The following MRPL48 variants were observed in gnomAD, a reference collection of about 807,000 sequenced individuals.
MRPL48 encodes large ribosomal subunit protein mL48.
MRPL48 carries 16 observed loss-of-function variants against 32.9 expected under a neutral mutation model. The ratio of observed to expected loss-of-function variants is 0.49; its 90% CI spans 0.33 to 0.74. MRPL48 has a LOEUF of 0.74. Ranked by LOEUF, MRPL48 falls within the 30% of genes least tolerant of loss-of-function variation. The pLI is 0.02. For synonymous variants in MRPL48, 94 were observed against 89.2 expected, an observed-to-expected ratio of 1.05 and a Z score of -0.31; for missense variants, 206 against 245.3, an observed-to-expected ratio of 0.84 and a Z score of 1.07.
intron 3 of MRPL48, chr11:73,817,897 T>C: frequency 3.5e-6 from 1 of 282,976 alleles, no homozygotes; most frequent in Non-Finnish European, 7.3e-6. Flanking sequence ...CTCGAACTCC[T>C]GGGTTCAAGC....
intron 4 of MRPL48, among the ~76,000 whole-genome samples, chr11:73,838,305 C>CT (rs1948137660): frequency 6.6e-6 from 1 of 152,220 alleles, no homozygotes; most frequent in Non-Finnish European, 1.5e-5. Flanking sequence ...CTCTTGCTGG[C>CT]TATGCTGTGC....
Position 73,864,572 on chromosome 11 carries a change from CT to C in MRPL48, c.*204del. 3.4e-6 allele frequency: 2 copies of C among 589,968 alleles called. No homozygotes were observed. Among genetic ancestry groups the C allele is most frequent in the Non-Finnish European group, 6.1e-6 (2 of 330,416 alleles). The allele number at this position is 589,968 out of a possible 1,614,324, so 36.5% of individuals were successfully genotyped here. A position where few individuals can be genotyped will look rare whatever the true frequency, so the allele number is the denominator to read the frequency against. ...TTACCTATGAGGTAATGCTTGTTATCTTCCATCTAATAAAAATCTGCTGCAG... is the reference window on the plus strand; with the variant it reads ...TTACCTATGAGGTAATGCTTGTTATCTCCATCTAATAAAAATCTGCTGCAG... On this transcript the variant is annotated 3_prime_UTR_variant, in exon 8 of 8. Coordinates refer to ENST00000310614, the MANE Select transcript of MRPL48 (RefSeq NM_016055.6).
intron 5 of MRPL48, among the ~76,000 whole-genome samples, chr11:73,856,780 T>C (rs1948487515): frequency 6.6e-6 from 1 of 152,238 alleles, no homozygotes; most frequent in Non-Finnish European, 1.5e-5. Context: ...TATTTTGTCA[T>C]GTTAGATTGA....
intron 4 of MRPL48, among the ~76,000 whole-genome samples, chr11:73,838,160 T>C (rs904495460): frequency 2.6e-5 from 4 of 152,136 alleles, no homozygotes; most frequent in Non-Finnish European, 5.9e-5. Flanking sequence ...CCCACAGATA[T>C]ATCTTTAATA....
intron 4 of MRPL48, 66 bp from the exon 5 acceptor site, chr11:73,844,740 CA>C: frequency 1.4e-6 from 2 of 1,480,956 alleles, no homozygotes; most frequent in Non-Finnish European, 1.8e-6. Flanking sequence ...TTTAAAATAT[CA>C]AGATAGTATT....
chr11:73,846,257 C>G (rs866582850), intron 5 of MRPL48, among the ~76,000 whole-genome samples: 1 of 151,978 alleles, frequency 6.6e-6, no homozygotes, highest in African/African-American at 2.4e-5. Flanking sequence ...TGGCTTCTTT[C>G]ACTTATCATA....
rs199741536 is a variant in MRPL48, at chr11:73,844,849, T to G, written c.244T>G (p.Leu82Val). ...KGKVEVRAIN[L>V]GTDYEYGVLN... is the part of the protein sequence containing the mutation. Reference sequence around the variant, plus strand: ...AAAAGTGGAAGTGAGAGCCATTAATTTGGGGACAGATTATGAATATGGGGT... The same window carrying G: ...AAAAGTGGAAGTGAGAGCCATTAATGTGGGGACAGATTATGAATATGGGGT... The change falls in exon 5 of 8, where the codon TTG (leucine) becomes GTG (valine). Residue 82 changes from leucine to valine, a missense_variant. Transcript: ENST00000310614. 15 of 1,613,646 alleles carry G rather than the reference T, an allele frequency of 9.3e-6. 1 individual carries two copies. Among genetic ancestry groups the G allele is most frequent in the South Asian group, 3.3e-5 (3 of 90,986 alleles).
At chr11:73,827,164 C>T (rs1268653983) in intron 4 of MRPL48, among the ~76,000 whole-genome samples, 3 of 152,036 alleles carry the variant, frequency 2.0e-5, no homozygotes, top group Non-Finnish European at 4.4e-5. Flanking sequence ...GCAGGCAGAT[C>T]TCTTGAGGTT....
At position 73,799,566 on chromosome 11, in the gene MRPL48, T is replaced by C. The variant is rs116562288; in HGVS notation, c.22-5461T>C. 3.2e-3 allele frequency among the ~76,000 whole-genome samples: 486 copies of C among 152,236 alleles called. 5 individuals carry two copies. Among genetic ancestry groups the C allele is most frequent in the African/African-American group, 0.011 (459 of 41,542 alleles). On this transcript the variant is annotated intron_variant, in intron 1 of 7. Transcript: ENST00000310614. ...CTTTTCTGAGCTTTGATTTCCTCACTATAAAATGCGGTAGAAATATCTACT... is the reference window on the plus strand; with the variant it reads ...CTTTTCTGAGCTTTGATTTCCTCACCATAAAATGCGGTAGAAATATCTACT...
At chr11:73,806,473 A>G (rs1947456298) in intron 2 of MRPL48, among the ~76,000 whole-genome samples, 1 of 152,090 alleles carries the variant, frequency 6.6e-6, no homozygotes, top group Non-Finnish European at 1.5e-5. Flanking sequence ...TATGTAAAAT[A>G]TACACCCCTC....
intron 3 of MRPL48, among the ~76,000 whole-genome samples, chr11:73,808,902 G>A (rs1282011371): frequency 1.3e-5 from 2 of 151,010 alleles, no homozygotes; most frequent in African/African-American, 2.4e-5. Context: ...CAGCCTGGGG[G>A]ACAAGAGCGA....
rs2511259 is a variant in MRPL48 at position 73,850,616 on chromosome 11, T to C, written c.371+5640T>C. 784 of 325,838 alleles carry C rather than the reference T, an allele frequency of 2.4e-3. 4 individuals are homozygous for C. The highest frequency in any genetic ancestry group is 0.016 in the African/African-American group (737 of 44,790). The allele number at this position is 325,838 out of a possible 1,614,324, so 20.2% of individuals were successfully genotyped here. On this transcript the variant is annotated intron_variant, in intron 5 of 7. Coordinates refer to ENST00000310614, the MANE Select transcript of MRPL48 (RefSeq NM_016055.6). ...AAGTTGCTTTAATAACATTAAGTTGTCCAAATTATTTTCTCTCTCTTCTTG... is the reference window on the plus strand; with the variant it reads ...AAGTTGCTTTAATAACATTAAGTTGCCCAAATTATTTTCTCTCTCTTCTTG...
rs150826634 is a variant in MRPL48 at position 73,819,404 on chromosome 11, A to G, written c.113-6304A>G. ...ATTACAGATAGATGATTGAGTTTCT[A>G]TGTACTACTTAAAGATGGTGATTGA... is the stretch of plus-strand genomic sequence containing the variant. On this transcript the variant is annotated intron_variant, in intron 3 of 7. Coordinates refer to ENST00000310614, the MANE Select transcript of MRPL48 (RefSeq NM_016055.6). Among the ~76,000 whole-genome samples, 328 of 152,320 alleles carry G rather than the reference A, an allele frequency of 2.2e-3. 14 individuals are homozygous for G. The East Asian group carries it at 0.05, about 23-fold the overall frequency.
At chr11:73,857,137 CT>C (rs11404175) in intron 5 of MRPL48, among the ~76,000 whole-genome samples, 9,383 of 147,208 alleles carry the variant, frequency 0.064, 313 homozygotes, top group Middle Eastern at 0.12. Flanking sequence ...AAGCATAGAC[CT>C]TTTTTTTTTT....
At chr11:73,788,054 T>C in intron 1 of MRPL48, 62 bp downstream of exon 1, 3 of 1,598,550 alleles carry the variant, frequency 1.9e-6, no homozygotes, top group Non-Finnish European at 2.6e-6. Context: ...AGAGGGGAGA[T>C]GGCGGAGGGT....
intron 2 of MRPL48, among the ~76,000 whole-genome samples, chr11:73,807,632 T>C (rs1947477625): frequency 9.8e-6 from 1 of 101,906 alleles, no homozygotes; most frequent in Admixed American, 9.3e-5. Flanking sequence ...TATTATTATC[T>C]TTTTTTTTTT....
chr11:73,857,212 C>T (rs1948496880), intron 5 of MRPL48, among the ~76,000 whole-genome samples: 1 of 151,934 alleles, frequency 6.6e-6, no homozygotes, highest in African/African-American at 2.4e-5. Context: ...CTCATTGCAA[C>T]CTCCACCTCC....
chr11:73,799,400 T>C (rs1157548610), intron 1 of MRPL48, among the ~76,000 whole-genome samples: 1 of 152,156 alleles, frequency 6.6e-6, no homozygotes, highest in Non-Finnish European at 1.5e-5. Context: ...CATCTTGGAA[T>C]AAAATAAGAG....
Position 73,864,498 on chromosome 11 carries a change from A to C in MRPL48, c.*128A>C, listed in dbSNP as rs1948635989. 1 of 874,352 alleles carries C rather than the reference A, an allele frequency of 1.1e-6. No homozygotes were observed. Among genetic ancestry groups the C allele is most frequent in the African/African-American group, 1.7e-5 (1 of 59,624 alleles). The allele number at this position is 874,352 out of a possible 1,614,324, so 54.2% of individuals were successfully genotyped here. On this transcript the variant is annotated 3_prime_UTR_variant, in exon 8 of 8. Coordinates refer to ENST00000310614, the MANE Select transcript of MRPL48 (RefSeq NM_016055.6). ...ATAAGTACCCATTCCCATAGCCAGT[A>C]ATGTCCTCACTCCTCTGTGGCTTGG...
Sources: gnomAD v4.1 joint callset for allele counts (sites outside exome capture counted in the v4.1 genomes callset) on GRCh38, gnomAD v4.1.1 for gene constraint, MANE v1.5 for transcripts, NCBI Gene and HGNC (gene_info 2026-07-23, HGNC 2026-07-21) for gene names.